TAFA1: variants seen among roughly 807,000 people sequenced by gnomAD.
TAFA1 encodes the protein TAFA chemokine like family member 1.
In TAFA1, 4 loss-of-function variants were observed where a neutral mutation model predicts 18.5. That is an observed-to-expected ratio of 0.22 (90% confidence interval 0.11 to 0.49). TAFA1 has a LOEUF of 0.49. TAFA1 is among the 20% of genes least tolerant of loss of function. The probability of loss-of-function intolerance (pLI) is 0.98; values close to 1 mark genes in which losing one functional copy is unlikely to be tolerated. For synonymous variants in TAFA1, 56 were observed against 55.2 expected, an observed-to-expected ratio of 1.01 and a Z score of -0.06; for missense variants, 147 against 169.0, an observed-to-expected ratio of 0.87 and a Z score of 0.72.
chr3:68,340,888 A>C (rs1463632803), intron 2 of TAFA1, among the ~76,000 whole-genome samples: 1 of 152,214 alleles, frequency 6.6e-6, no homozygotes, highest in Non-Finnish European at 1.5e-5. Context: ...TTGAAGGGCA[A>C]ATTGAGATCT....
At chr3:68,271,428 A>T (rs954110081) in intron 2 of TAFA1, among the ~76,000 whole-genome samples, 3 of 152,062 alleles carry the variant, frequency 2.0e-5, no homozygotes, top group African/African-American at 7.2e-5. Flanking sequence ...CATCAGCCCC[A>T]CTCAACCCAC....
At chr3:68,076,685 A>G (rs2064829732) in intron 2 of TAFA1, among the ~76,000 whole-genome samples, 1 of 152,268 alleles carries the variant, frequency 6.6e-6, no homozygotes, top group Non-Finnish European at 1.5e-5. Context: ...TATGTGCCAC[A>G]TTATCTTAAT....
At chr3:68,297,900 G>A (rs1261331038) in intron 2 of TAFA1, among the ~76,000 whole-genome samples, 7 of 152,014 alleles carry the variant, frequency 4.6e-5, no homozygotes, top group Admixed American at 6.6e-5. Context: ...AGTAAGTCTA[G>A]CATTTTCCAA....
intron 3 of TAFA1, among the ~76,000 whole-genome samples, chr3:68,438,602 C>A (rs1055458827): frequency 6.6e-6 from 1 of 152,102 alleles, no homozygotes; most frequent in Non-Finnish European, 1.5e-5. Flanking sequence ...CTCCCTGGAG[C>A]ACCTTCAACG....
chr3:68,019,561 A>C (rs548409017), intron 2 of TAFA1, among the ~76,000 whole-genome samples: 1 of 152,302 alleles, frequency 6.6e-6, no homozygotes, highest in African/African-American at 2.4e-5. Flanking sequence ...AGACTTTATA[A>C]ATTATCTAGA....
At chr3:68,274,094 G>A (rs550635780) in intron 2 of TAFA1, among the ~76,000 whole-genome samples, 1 of 152,274 alleles carries the variant, frequency 6.6e-6, no homozygotes, top group South Asian at 2.1e-4. Flanking sequence ...GTGGGAGTTG[G>A]CTGGCCTTGA....
At chr3:68,199,228 T>C (rs370878843) in intron 2 of TAFA1, among the ~76,000 whole-genome samples, 31 of 151,728 alleles carry the variant, frequency 2.0e-4, no homozygotes, top group African/African-American at 7.2e-4. Context: ...TTGTGTATTC[T>C]TTTTACCAAT....
At chr3:68,162,456 G>A (rs1229544504) in intron 2 of TAFA1, among the ~76,000 whole-genome samples, 1 of 152,110 alleles carries the variant, frequency 6.6e-6, no homozygotes, top group Non-Finnish European at 1.5e-5. Context: ...CAGAGCTCAG[G>A]CAGTCATGCT....
chr3:68,444,774 ATATATATATATATAT>A (rs2071446885), intron 3 of TAFA1, among the ~76,000 whole-genome samples: 1 of 3,208 alleles, frequency 3.1e-4, no homozygotes, highest in Non-Finnish European at 5.3e-4. Flanking sequence ...TCTACAAAAT[ATATATATATATATAT>A]ATATATATAT....
chr3:68,453,837 A>G (rs946641746), intron 3 of TAFA1, among the ~76,000 whole-genome samples: 7 of 152,336 alleles, frequency 4.6e-5, no homozygotes, highest in Middle Eastern at 3.4e-3. Flanking sequence ...CATATTTCCC[A>G]TAATCCTCTG....
intron 3 of TAFA1, among the ~76,000 whole-genome samples, chr3:68,537,776 T>C (rs895368474): frequency 6.6e-6 from 1 of 152,220 alleles, no homozygotes; most frequent in African/African-American, 2.4e-5. Context: ...TAAGTCTTCC[T>C]CTTCCATATG....
chr3:68,497,099 A>T (rs769472559), intron 3 of TAFA1, among the ~76,000 whole-genome samples: 1 of 152,188 alleles, frequency 6.6e-6, no homozygotes, highest in Admixed American at 6.5e-5. Flanking sequence ...CATGTATTAG[A>T]CATGATTATA....
chr3:68,200,265 G>A (rs962996335), intron 2 of TAFA1, among the ~76,000 whole-genome samples: 3 of 151,538 alleles, frequency 2.0e-5, no homozygotes, highest in Admixed American at 2.0e-4. Context: ...TTGCCTCTAA[G>A]TTCATGAGAG....
chr3:68,339,219 C>A (rs548000996), intron 2 of TAFA1, among the ~76,000 whole-genome samples: 1 of 152,324 alleles, frequency 6.6e-6, no homozygotes, highest in African/African-American at 2.4e-5. Flanking sequence ...CTCATGCTCA[C>A]TGAAATGTCA....
intron 3 of TAFA1, among the ~76,000 whole-genome samples, chr3:68,498,588 A>G (rs1229456887): frequency 6.6e-6 from 1 of 152,240 alleles, no homozygotes; most frequent in South Asian, 2.1e-4. Flanking sequence ...GTAATTACAG[A>G]GCCCAAGATG....
At chr3:68,391,862 C>T (rs867430616) in intron 2 of TAFA1, among the ~76,000 whole-genome samples, 8 of 152,140 alleles carry the variant, frequency 5.3e-5, no homozygotes, top group South Asian at 4.1e-4. Context: ...TGAGGAAGCA[C>T]TAAACATGGA....
At chr3:68,461,456 C>T (rs957765848) in intron 3 of TAFA1, among the ~76,000 whole-genome samples, 1 of 148,688 alleles carries the variant, frequency 6.7e-6, no homozygotes, top group Non-Finnish European at 1.5e-5. Flanking sequence ...ATTATTTTTC[C>T]CCTACCAGCA....
intron 2 of TAFA1, among the ~76,000 whole-genome samples, chr3:68,092,628 G>A (rs1364468544): frequency 6.6e-6 from 1 of 152,066 alleles, no homozygotes; most frequent in South Asian, 2.1e-4. Flanking sequence ...ATCTTTCATG[G>A]GGCTTATTAA....
chr3:68,056,866 ACT>A (rs2064543102), intron 2 of TAFA1, among the ~76,000 whole-genome samples: 1 of 151,974 alleles, frequency 6.6e-6, no homozygotes, highest in African/African-American at 2.4e-5. Flanking sequence ...TTGGTGGGAG[ACT>A]CTGAGGGGTC....
Sources: allele counts gnomAD v4.1 joint callset (sites outside exome capture counted in the v4.1 genomes callset), GRCh38; gene constraint gnomAD v4.1.1; transcripts MANE v1.5; gene names NCBI Gene and HGNC (gene_info 2026-07-23, HGNC 2026-07-21).